The following INTS9 variants were observed in gnomAD, a reference collection of about 807,000 sequenced individuals.
The protein encoded by INTS9 is integrator complex subunit 9.
In INTS9, 55 loss-of-function variants were observed where a neutral mutation model predicts 79.7. That is an observed-to-expected ratio of 0.69 (90% CI 0.56 to 0.86). The LOEUF is 0.86. INTS9 is among the 40% of genes least tolerant of loss of function. INTS9 has a pLI of 0.00. For missense variants in INTS9, 721 were observed against 831.5 expected (o/e 0.87, Z 1.64); for synonymous variants, 319 against 325.2 (o/e 0.98, Z 0.20).
chr8:28,864,287 A>C (rs763181869), intron 1 of INTS9, among the ~76,000 whole-genome samples: 2 of 152,236 alleles, frequency 1.3e-5, no homozygotes, highest in Non-Finnish European at 2.9e-5. Flanking sequence ...CATAATTCCA[A>C]CACCATCATT....
Position 28,793,969 on chromosome 8 carries a change from C to G in INTS9, c.875G>C (p.Gly292Ala), listed in dbSNP as rs753885557. 1 of 1,596,090 alleles carries G rather than the reference C, an allele frequency of 6.3e-7. No individual in the cohort carries two copies. Among genetic ancestry groups the G allele is most frequent in the Non-Finnish European group, 8.6e-7 (1 of 1,168,944 alleles). ...GTAGCAGGGAACCAACACGTTTCCT[C>G]CATTCCGGACTGTCAGAGCTAGAAA... The part of the protein sequence containing the change: ...CSNLALTVRN[G>A]GNVLVPCYPS... Residue 292 changes from glycine to alanine, a missense_variant, in exon 10 of 17, where the codon GGA (glycine) becomes GCA (alanine). Around this residue, in one of 3 missense-constraint regions of INTS9, gnomAD observed 149 missense variants for 223.7 expected, o/e 0.67. Coordinates refer to ENST00000521022, the MANE Select transcript of INTS9 (RefSeq NM_018250.4).
intron 11 of INTS9, among the ~76,000 whole-genome samples, chr8:28,781,352 T>C (rs1300186968): frequency 1.3e-5 from 2 of 152,178 alleles, no homozygotes; most frequent in Non-Finnish European, 2.9e-5. Context: ...ACACCTGTTA[T>C]AATAAAATGG....
intron 6 of INTS9, among the ~76,000 whole-genome samples, chr8:28,826,487 T>C (rs1806150938): frequency 6.6e-6 from 1 of 152,218 alleles, no homozygotes; most frequent in Non-Finnish European, 1.5e-5. Flanking sequence ...TGGTCCAGTC[T>C]GACCTGCCCG....
intron 1 of INTS9, among the ~76,000 whole-genome samples, chr8:28,878,301 G>A (rs1404328138): frequency 2.0e-5 from 3 of 152,020 alleles, no homozygotes; most frequent in Non-Finnish European, 4.4e-5. Flanking sequence ...GAAAGAGTGG[G>A]AGGGAATCAT....
At chr8:28,882,205 T>C (rs1166202794) in intron 1 of INTS9, among the ~76,000 whole-genome samples, 2 of 139,208 alleles carry the variant, frequency 1.4e-5, no homozygotes, top group East Asian at 4.0e-4. Flanking sequence ...CAGGGTTAAA[T>C]GGATTAAGGG....
At chr8:28,829,781 C>T (rs1806362308) in intron 6 of INTS9, among the ~76,000 whole-genome samples, 1 of 152,102 alleles carries the variant, frequency 6.6e-6, no homozygotes, top group Non-Finnish European at 1.5e-5. Context: ...ATGTAGAAGC[C>T]AACATTTCTA....
chr8:28,780,523 C>G (rs1803192856), intron 12 of INTS9: 1 of 985,412 alleles, frequency 1.0e-6, no homozygotes, highest in Non-Finnish European at 1.2e-6. Context: ...AACACCGTTA[C>G]TGAATCACTG....
intron 1 of INTS9, among the ~76,000 whole-genome samples, chr8:28,870,546 T>C (rs765145464): frequency 3.9e-5 from 6 of 152,278 alleles, no homozygotes; most frequent in Middle Eastern, 3.4e-3. Context: ...GGGAGACTTA[T>C]TAGTGTATGT....
intron 1 of INTS9, among the ~76,000 whole-genome samples, chr8:28,878,086 T>C (rs1311880394): frequency 2.6e-5 from 4 of 152,178 alleles, no homozygotes; most frequent in Non-Finnish European, 5.9e-5. Flanking sequence ...TCTAGATATT[T>C]ATATGAAATA....
intron 6 of INTS9, among the ~76,000 whole-genome samples, chr8:28,830,973 G>A (rs916073218): frequency 8.5e-5 from 13 of 152,148 alleles, no homozygotes; most frequent in African/African-American, 2.9e-4. Flanking sequence ...TCTTTTAAAA[G>A]GGAGATTTCC....
intron 4 of INTS9, among the ~76,000 whole-genome samples, chr8:28,841,164 A>G (rs1807160275): frequency 6.6e-6 from 1 of 152,148 alleles, no homozygotes; most frequent in Admixed American, 6.5e-5. Context: ...CATCTGTGTG[A>G]ACACCATGCC....
At chr8:28,846,399 A>T (rs1166400532) in intron 4 of INTS9, among the ~76,000 whole-genome samples, 3 of 152,232 alleles carry the variant, frequency 2.0e-5, no homozygotes, top group African/African-American at 7.2e-5. Context: ...ACCATAAAGC[A>T]AGACCAGGAC....
intron 2 of INTS9, among the ~76,000 whole-genome samples, chr8:28,852,499 T>C (rs930440370): frequency 6.6e-6 from 1 of 152,170 alleles, no homozygotes; most frequent in Admixed American, 6.5e-5. Flanking sequence ...AAAGCAAGCA[T>C]TCCAATAAAA....
At chr8:28,870,349 CTTTTTTTT>C (rs10580665) in intron 1 of INTS9, among the ~76,000 whole-genome samples, 1 of 80,576 alleles carries the variant, frequency 1.2e-5, no homozygotes, top group Non-Finnish European at 2.2e-5. Flanking sequence ...CAGAAAAAAG[CTTTTTTTT>C]TTTTTTTTTT....
At chr8:28,853,899 T>A (rs541637313) in intron 2 of INTS9, among the ~76,000 whole-genome samples, 2 of 152,266 alleles carry the variant, frequency 1.3e-5, no homozygotes, top group African/African-American at 4.8e-5. Context: ...TTTGTATTTT[T>A]AGTTAGAGAC....
At chr8:28,842,374 T>A (rs1807244043) in intron 4 of INTS9, among the ~76,000 whole-genome samples, 1 of 152,206 alleles carries the variant, frequency 6.6e-6, no homozygotes, top group Non-Finnish European at 1.5e-5. Flanking sequence ...CTAAAAATGT[T>A]TCTATATGGT....
intron 6 of INTS9, among the ~76,000 whole-genome samples, chr8:28,819,543 T>C: frequency 6.6e-6 from 1 of 152,250 alleles, no homozygotes; most frequent in Non-Finnish European, 1.5e-5. Context: ...TCTGATCTTT[T>C]ACATTTGCTG....
chr8:28,840,700 C>G (rs1370923536), intron 4 of INTS9, among the ~76,000 whole-genome samples: 17 of 146,158 alleles, frequency 1.2e-4, no homozygotes, highest in South Asian at 2.2e-4. Context: ...GAACAGAAAA[C>G]CAAACACCGC....
intron 8 of INTS9, among the ~76,000 whole-genome samples, chr8:28,811,120 TTCTC>T (rs1435528840): frequency 3.4e-5 from 5 of 146,150 alleles, no homozygotes; most frequent in African/African-American, 1.1e-4. Flanking sequence ...TCTTTTTTCT[TTCTC>T]TCTCTTTTTT....
Sources: allele counts gnomAD v4.1 joint callset (sites outside exome capture counted in the v4.1 genomes callset), GRCh38; gene constraint gnomAD v4.1.1; regional missense constraint gnomAD v4.1.1; transcripts MANE v1.5; gene names NCBI Gene and HGNC (gene_info 2026-07-23, HGNC 2026-07-21).